FAM53B: variants seen among roughly 807,000 people sequenced by gnomAD.
The protein encoded by FAM53B is family with sequence similarity 53 member B.
Under a neutral mutation model 32.7 loss-of-function variants are expected in FAM53B, and 12 were observed. The observed-to-expected ratio is 0.37, with a 90% CI of 0.24 to 0.59. FAM53B has a LOEUF of 0.59. FAM53B is among the 20% of genes least tolerant of loss of function. The pLI is 0.72. For synonymous variants in FAM53B, 234 were observed against 228.7 expected (o/e 1.02, Z -0.21); for missense variants, 477 against 577.7 (o/e 0.83, Z 1.79).
intron 4 of FAM53B, among the ~76,000 whole-genome samples, chr10:124,627,092 A>G (rs1294071359): frequency 6.6e-6 from 1 of 152,206 alleles, no homozygotes; most frequent in African/African-American, 2.4e-5. Flanking sequence ...CAAAACAGCC[A>G]TTTCAGCCAC....
intron 4 of FAM53B, among the ~76,000 whole-genome samples, chr10:124,661,809 C>T (rs1180943650): frequency 6.6e-6 from 1 of 152,234 alleles, no homozygotes; most frequent in Non-Finnish European, 1.5e-5. Context: ...CCAATCTTAG[C>T]CTGCTTCATC....
rs1212013441 is a variant in FAM53B at position 124,643,797 on chromosome 10, C to T, written c.907-20193G>A. Among the ~76,000 whole-genome samples, 4 of 152,312 alleles carry T rather than the reference C, an allele frequency of 2.6e-5. No homozygotes were observed. In the East Asian group the frequency reaches 5.8e-4, roughly 22 times the overall value. ...GGAAGGCTCAGAAGATGAGGCACAG[C>T]GGTGCACGCTGGGCGGCTCCTGGAG... On this transcript the variant is annotated intron_variant, in intron 4 of 4. Coordinates refer to ENST00000337318, the MANE Select transcript of FAM53B (RefSeq NM_014661.4).
intron 4 of FAM53B, among the ~76,000 whole-genome samples, chr10:124,678,885 C>T (rs371444043): frequency 6.6e-6 from 1 of 152,176 alleles, no homozygotes; most frequent in African/African-American, 2.4e-5. Flanking sequence ...CCCGTGTGCT[C>T]ACACACACCC....
chr10:124,625,105 G>A (rs1238475948), intron 4 of FAM53B, among the ~76,000 whole-genome samples: 2 of 152,244 alleles, frequency 1.3e-5, no homozygotes, highest in Non-Finnish European at 2.9e-5. Context: ...AGGCTGCAGT[G>A]TTTGTGTGTC....
At chr10:124,666,869 G>A (rs965800221) in intron 4 of FAM53B, among the ~76,000 whole-genome samples, 10 of 152,188 alleles carry the variant, frequency 6.6e-5, no homozygotes, top group African/African-American at 2.4e-4. Flanking sequence ...CTGGTCCTCA[G>A]GTCTCCTGGG....
intron 3 of FAM53B, among the ~76,000 whole-genome samples, chr10:124,684,586 C>T (rs1336347459): frequency 1.2e-4 from 19 of 152,166 alleles, no homozygotes; most frequent in Admixed American, 6.5e-5. Flanking sequence ...GTGGCATAAT[C>T]TCAGCTCACT....
intron 2 of FAM53B, among the ~76,000 whole-genome samples, chr10:124,698,909 A>G (rs1310778072): frequency 6.6e-6 from 1 of 152,190 alleles, no homozygotes; most frequent in East Asian, 1.9e-4. Flanking sequence ...GCCCCATATG[A>G]GCCAACCTGA....
chr10:124,696,526 T>A (rs1169496871), intron 2 of FAM53B, among the ~76,000 whole-genome samples: 1 of 151,828 alleles, frequency 6.6e-6, no homozygotes, highest in Non-Finnish European at 1.5e-5. Flanking sequence ...GGGGGCAGGA[T>A]GGATGGTAAA....
intron 3 of FAM53B, among the ~76,000 whole-genome samples, chr10:124,683,770 G>C (rs186795363): frequency 1.3e-5 from 2 of 152,330 alleles, no homozygotes; most frequent in East Asian, 3.9e-4. Flanking sequence ...GGAGTTTATG[G>C]GTCAGGCAAG....
At position 124,706,799 on chromosome 10, in the gene FAM53B, G is replaced by T; in HGVS notation, c.-86C>A. ...CAGACTTGGGGTGAGTACCTCCTGGGGAATTGATGTCAGCAGAAACAGCTC... is the reference window on the plus strand; with the variant it reads ...CAGACTTGGGGTGAGTACCTCCTGGTGAATTGATGTCAGCAGAAACAGCTC... On this transcript the variant is annotated 5_prime_UTR_variant, in exon 2 of 5. Transcript: ENST00000337318. The T allele has an allele frequency of 6.3e-7, 1 of 1,598,022 alleles. No homozygotes were observed.
intron 4 of FAM53B, among the ~76,000 whole-genome samples, chr10:124,640,127 G>A (rs536282104): frequency 6.6e-6 from 1 of 152,238 alleles, no homozygotes; most frequent in Admixed American, 6.5e-5. Context: ...GAAAGCCCTT[G>A]GGCAGAGCCA....
chr10:124,657,100 GTA>G (rs71487973), intron 4 of FAM53B, among the ~76,000 whole-genome samples: 98 of 109,008 alleles, frequency 9.0e-4, no homozygotes, highest in African/African-American at 2.4e-3. Context: ...ATATATATGT[GTA>G]TATATATGTG....
At chr10:124,684,946 T>C (rs1437208201) in intron 3 of FAM53B, among the ~76,000 whole-genome samples, 5 of 152,246 alleles carry the variant, frequency 3.3e-5, no homozygotes, top group Non-Finnish European at 7.3e-5. Flanking sequence ...ATGATGTTCA[T>C]CAAAATGATG....
intron 1 of FAM53B, among the ~76,000 whole-genome samples, chr10:124,721,094 C>T (rs1950065906): frequency 6.6e-6 from 1 of 152,206 alleles, no homozygotes; most frequent in South Asian, 2.1e-4. Context: ...CCCAGCTACT[C>T]GGGAGGTTGG....
intron 4 of FAM53B, among the ~76,000 whole-genome samples, chr10:124,670,324 C>T (rs1029581996): frequency 3.3e-5 from 5 of 152,164 alleles, no homozygotes; most frequent in African/African-American, 1.2e-4. Flanking sequence ...CGTCTGCGGT[C>T]GAACCCCCAA....
At position 124,620,750 on chromosome 10, in the gene FAM53B, A is replaced by G. The variant is rs184993901; in HGVS notation, c.*2492T>C. On this transcript the variant is annotated 3_prime_UTR_variant, in exon 5 of 5. Transcript: ENST00000337318. The stretch of plus-strand genomic sequence containing the variant: ...AGGGTCTACTCCCTCCAGTCAAAAC[A>G]CAAACATGAAACCAGCTAAAGGCCA... 1.3e-5 allele frequency: 2 copies of G among 152,566 alleles called. No homozygotes were observed. Among genetic ancestry groups the G allele is most frequent in the African/African-American group, 4.8e-5 (2 of 41,580 alleles). 9.5% of individuals were successfully genotyped at this position (152,566 alleles called of 1,614,324 possible).
intron 1 of FAM53B, among the ~76,000 whole-genome samples, chr10:124,720,119 C>T (rs1334075555): frequency 6.6e-4 from 99 of 150,346 alleles, no homozygotes; most frequent in African/African-American, 2.4e-3. Flanking sequence ...GCCGAGATCG[C>T]GCCATTGCAC....
Position 124,642,644 on chromosome 10 carries a change from G to A in FAM53B, c.907-19040C>T, listed in dbSNP as rs1398063333. ...GAAATCCCCGTGAGTCAGGATCCCC[G>A]AGACACAGGGGCACGTGCAACTGCC... is the stretch of plus-strand genomic sequence containing the variant. On this transcript the variant is annotated intron_variant, in intron 4 of 4. Coordinates refer to ENST00000337318, the MANE Select transcript of FAM53B (RefSeq NM_014661.4). 2.0e-5 allele frequency among the ~76,000 whole-genome samples: 3 copies of A among 152,198 alleles called. No individual in the cohort carries two copies. The East Asian group carries it at 5.8e-4, about 29-fold the overall frequency.
chr10:124,693,642 C>T (rs550566272), intron 3 of FAM53B, among the ~76,000 whole-genome samples: 1 of 152,164 alleles, frequency 6.6e-6, no homozygotes, highest in South Asian at 2.1e-4. Flanking sequence ...CTCCAGCAAG[C>T]GCAGGAAAGG....
Sources: allele counts gnomAD v4.1 joint callset (sites outside exome capture counted in the v4.1 genomes callset), GRCh38; gene constraint gnomAD v4.1.1; transcripts MANE v1.5; gene names NCBI Gene and HGNC (gene_info 2026-07-23, HGNC 2026-07-21).